Variants in LAMA3 observed in about 807,000 individuals in gnomAD.
LAMA3 encodes laminin subunit alpha-3.
A neutral mutation model predicts 402.0 loss-of-function variants in LAMA3; 281 were observed. The observed-to-expected ratio is 0.70, with a 90% CI of 0.63 to 0.77. The LOEUF is 0.77. LAMA3 is among the 30% of genes least tolerant of loss of function. The probability of loss-of-function intolerance (pLI) is 0.00; values close to 1 mark genes in which losing one functional copy is unlikely to be tolerated. For missense variants in LAMA3, 3,840 were observed against 4,215.5 expected (o/e 0.91, Z 2.47); for synonymous variants, 1,431 against 1,558.4 (o/e 0.92, Z 1.93).
intron 36 of LAMA3, 32 bp from the exon 37 acceptor site, chr18:23,867,802 G>A: frequency 6.6e-7 from 1 of 1,507,470 alleles, no homozygotes; most frequent in Non-Finnish European, 9.2e-7. Flanking sequence ...CCCAGTGAAG[G>A]TACTAACACA....
At chr18:23,768,431 A>G (rs2062125888) in intron 8 of LAMA3, among the ~76,000 whole-genome samples, 1 of 152,262 alleles carries the variant, frequency 6.6e-6, no homozygotes, top group Non-Finnish European at 1.5e-5. Flanking sequence ...TGTCAAAACC[A>G]CAATGAGATA....
At chr18:23,816,031 G>A (rs892431519) in intron 17 of LAMA3, among the ~76,000 whole-genome samples, 4 of 152,166 alleles carry the variant, frequency 2.6e-5, no homozygotes, top group African/African-American at 7.2e-5. Context: ...TTTCTGAAGC[G>A]CGTTTACTCC....
intron 7 of LAMA3, 72 bp downstream of exon 7, chr18:23,758,583 C>A: frequency 8.7e-7 from 1 of 1,145,426 alleles, no homozygotes; most frequent in Non-Finnish European, 1.3e-6. Context: ...AGGCTATTTT[C>A]CCCATGCTAG....
chr18:23,767,036 G>C (rs1177515182), intron 8 of LAMA3, among the ~76,000 whole-genome samples: 4 of 152,056 alleles, frequency 2.6e-5, no homozygotes. Flanking sequence ...AGGATACAAA[G>C]ATCAGTAGCA....
At chr18:23,772,007 T>C (rs940715902) in intron 8 of LAMA3, among the ~76,000 whole-genome samples, 3 of 152,242 alleles carry the variant, frequency 2.0e-5, no homozygotes, top group South Asian at 2.1e-4. Flanking sequence ...ACAAAGTCTT[T>C]CACCTCTTCC....
intron 17 of LAMA3, among the ~76,000 whole-genome samples, chr18:23,816,162 G>T (rs549110325): frequency 3.7e-4 from 56 of 152,198 alleles, no homozygotes; most frequent in South Asian, 3.3e-3. Flanking sequence ...TTTTTGTTTT[G>T]GTTTTGGTTT....
intron 32 of LAMA3, among the ~76,000 whole-genome samples, chr18:23,850,232 A>G (rs1050214955): frequency 6.6e-6 from 1 of 152,250 alleles, no homozygotes; most frequent in Non-Finnish European, 1.5e-5. Flanking sequence ...CTCAAATTGT[A>G]TTTAACTACT....
intron 12 of LAMA3, among the ~76,000 whole-genome samples, chr18:23,791,439 T>C (rs2144086100): frequency 6.6e-6 from 1 of 152,162 alleles, no homozygotes; most frequent in Non-Finnish European, 1.5e-5. Flanking sequence ...ATTTCACAAA[T>C]GTGTATGATA....
chr18:23,783,031 A>G (rs57414244), intron 11 of LAMA3, among the ~76,000 whole-genome samples: 1 of 151,916 alleles, frequency 6.6e-6, no homozygotes, highest in African/African-American at 2.4e-5. Flanking sequence ...ATTTCTCTCA[A>G]TTGTGTGGGT....
chr18:23,696,544 A>G (rs180741087), intron 1 of LAMA3, among the ~76,000 whole-genome samples: 93 of 152,216 alleles, frequency 6.1e-4, no homozygotes, highest in African/African-American at 2.2e-3. Context: ...TCTGTGGCCC[A>G]GGTTGGTGTG....
intron 39 of LAMA3, among the ~76,000 whole-genome samples, chr18:23,877,894 G>A (rs1043252149): frequency 4.6e-5 from 7 of 152,086 alleles, no homozygotes; most frequent in Admixed American, 1.3e-4. Context: ...GGTGAATCAC[G>A]AGGTCAGGAG....
At chr18:23,701,929 T>G (rs2060797422) in intron 1 of LAMA3, among the ~76,000 whole-genome samples, 1 of 151,652 alleles carries the variant, frequency 6.6e-6, no homozygotes, top group African/African-American at 2.4e-5. Flanking sequence ...ATGGAGTGAG[T>G]GGGGGAAAAG....
intron 2 of LAMA3, among the ~76,000 whole-genome samples, chr18:23,746,413 C>G (rs986337400): frequency 6.6e-6 from 1 of 152,096 alleles, no homozygotes; most frequent in Non-Finnish European, 1.5e-5. Context: ...CAGGGGTCCT[C>G]CTTCCTCCAT....
chr18:23,696,507 C>T (rs2060688220), intron 1 of LAMA3, among the ~76,000 whole-genome samples: 3 of 152,072 alleles, frequency 2.0e-5, no homozygotes, highest in Admixed American at 2.0e-4. Flanking sequence ...GTGAAATCCC[C>T]CTGTTTTTTT....
chr18:23,841,940 C>T (rs2063711191), intron 27 of LAMA3, among the ~76,000 whole-genome samples: 1 of 151,986 alleles, frequency 6.6e-6, no homozygotes, highest in Non-Finnish European at 1.5e-5. Flanking sequence ...AAAATGGAGT[C>T]AGACTCTTTA....
chr18:23,768,516 A>G (rs1447656077), intron 8 of LAMA3, among the ~76,000 whole-genome samples: 1 of 152,214 alleles, frequency 6.6e-6, no homozygotes, highest in Non-Finnish European at 1.5e-5. Context: ...TGCAGAGAAA[A>G]GAGAACACTT....
In LAMA3 at chr18:23,777,540, A is replaced by G. The variant is rs776511762; in HGVS notation, c.1406-17A>G. ...CCTTAATCATCCTCTGTATTTTTTA[A>G]TAAACTATTTTTACAGGAATTCCCA... On this transcript the variant is annotated splice_polypyrimidine_tract_variant and intron_variant, in intron 10 of 74. Coordinates refer to ENST00000313654, the MANE Select transcript of LAMA3 (RefSeq NM_198129.4). 6.5e-7 allele frequency: 1 copy of G among 1,548,632 alleles called. No homozygotes were observed. The highest frequency in any genetic ancestry group is 8.9e-7 in the Non-Finnish European group (1 of 1,120,316).
At chr18:23,815,683 G>C in intron 17 of LAMA3, 110 bp downstream of exon 17, 1 of 799,188 alleles carries the variant, frequency 1.3e-6, no homozygotes, top group Non-Finnish European at 2.2e-6. Context: ...CTGATGGAAT[G>C]GCCCTGAAAC....
chr18:23,897,539 A>C (rs1436528263), intron 44 of LAMA3, among the ~76,000 whole-genome samples: 1 of 152,178 alleles, frequency 6.6e-6, no homozygotes, highest in Admixed American at 6.5e-5. Flanking sequence ...CAACCTCCTC[A>C]TGAGGAACCT....
Sources: gnomAD v4.1 joint callset for allele counts (sites outside exome capture counted in the v4.1 genomes callset) on GRCh38, gnomAD v4.1.1 for gene constraint, MANE v1.5 for transcripts, NCBI Gene and HGNC (gene_info 2026-07-23, HGNC 2026-07-21) for gene names.